The following CNOT1 variants were observed in gnomAD, a reference collection of about 807,000 sequenced individuals.
The protein encoded by CNOT1 is CCR4-NOT transcription complex subunit 1, also known as CCR4-associated factor 1.
Under a neutral mutation model 273.8 loss-of-function variants are expected in CNOT1, and 15 were observed. The ratio of observed to expected loss-of-function variants is 0.05; its 90% CI spans 0.04 to 0.08. CNOT1 has a LOEUF of 0.08. Among genes scored for constraint, CNOT1 ranks in the 10% least tolerant of loss-of-function variants. The pLI, the probability that CNOT1 is intolerant of heterozygous loss-of-function variation, is 1.00. For missense variants in CNOT1, 1,644 were observed against 2,912.2 expected (o/e 0.56, Z 10.02); for synonymous variants, 1,022 against 1,005.5 (o/e 1.02, Z -0.31).
intron 4 of CNOT1, 73 bp from the exon 5 acceptor site, chr16:58,587,486 G>T: frequency 1.3e-6 from 2 of 1,592,094 alleles, no homozygotes; most frequent in Non-Finnish European, 1.7e-6. Context: ...CTATCTGTTT[G>T]CCCAAGGATG....
At chr16:58,570,124 C>A (rs942407910) in intron 16 of CNOT1, among the ~76,000 whole-genome samples, 2 of 152,106 alleles carry the variant, frequency 1.3e-5, no homozygotes, top group Non-Finnish European at 2.9e-5. Flanking sequence ...AACCAGGAAT[C>A]CTTCATCTGG....
intron 2 of CNOT1, among the ~76,000 whole-genome samples, chr16:58,593,868 A>G (rs1030979768): frequency 2.0e-5 from 3 of 152,246 alleles, no homozygotes; most frequent in African/African-American, 7.2e-5. Context: ...ATATAGTAGA[A>G]TATTATTTAG....
rs182071406 is a variant in CNOT1, at chr16:58,594,112, C to T, written c.102+5124G>A. On this transcript the variant is annotated intron_variant, in intron 2 of 48. Coordinates refer to ENST00000317147, the MANE Select transcript of CNOT1 (RefSeq NM_016284.5). ...ATACAAAATTAGCTGGGTGTGGTGG[C>T]GCAGGCCTGTAATCCCAGCTACTCA... 4.2e-3 allele frequency among the ~76,000 whole-genome samples: 633 copies of T among 152,148 alleles called. 5 individuals are homozygous for T. The highest frequency in any genetic ancestry group is 0.014 in the African/African-American group (592 of 41,514).
At chr16:58,618,877 G>T (rs538359087) in intron 1 of CNOT1, among the ~76,000 whole-genome samples, 1 of 152,060 alleles carries the variant, frequency 6.6e-6, no homozygotes, top group African/African-American at 2.4e-5. Flanking sequence ...TTGTGTATGT[G>T]CCTTAAATAT....
chr16:58,532,531 C>A, intron 40 of CNOT1, 136 bp from the exon 41 acceptor site: 1 of 1,405,768 alleles, frequency 7.1e-7, no homozygotes, highest in Non-Finnish European at 9.3e-7. Context: ...TACAAAATTA[C>A]ATGCTGGCAG....
At chr16:58,565,837 C>T (rs544313516) in intron 16 of CNOT1, among the ~76,000 whole-genome samples, 1 of 151,710 alleles carries the variant, frequency 6.6e-6, no homozygotes, top group South Asian at 2.1e-4. Flanking sequence ...CCCAGCTACT[C>T]AGGAGGCTGA....
chr16:58,532,671 C>G, intron 40 of CNOT1: 2 of 395,920 alleles, frequency 5.1e-6, no homozygotes, highest in East Asian at 9.0e-5. Context: ...CTCTAGAAAT[C>G]AGCAAGGCCC....
At chr16:58,614,960 G>A (rs1597604822) in intron 1 of CNOT1, among the ~76,000 whole-genome samples, 1 of 121,912 alleles carries the variant, frequency 8.2e-6, no homozygotes, top group African/African-American at 2.8e-5. Flanking sequence ...TGCCCGCCAC[G>A]GTCTCCTGAC....
intron 16 of CNOT1, among the ~76,000 whole-genome samples, chr16:58,561,140 G>A (rs772662337): frequency 3.3e-5 from 5 of 152,258 alleles, no homozygotes; most frequent in African/African-American, 7.2e-5. Flanking sequence ...AGCTATAATC[G>A]CACCACAGCA....
chr16:58,560,962 T>C (rs2151943575), intron 16 of CNOT1, among the ~76,000 whole-genome samples: 1 of 152,096 alleles, frequency 6.6e-6, no homozygotes, highest in South Asian at 2.1e-4. Flanking sequence ...GAGGCAGAGG[T>C]TGCAGTGAGC....
intron 1 of CNOT1, among the ~76,000 whole-genome samples, chr16:58,601,542 G>A (rs2042463688): frequency 6.6e-6 from 1 of 151,996 alleles, no homozygotes; most frequent in South Asian, 2.1e-4. Flanking sequence ...TAAGATGCAG[G>A]AAACTCAGGA....
intron 16 of CNOT1, among the ~76,000 whole-genome samples, chr16:58,572,807 C>A (rs2041320917): frequency 6.7e-6 from 1 of 149,874 alleles, no homozygotes; most frequent in African/African-American, 2.5e-5. Context: ...ACTTGGGAGG[C>A]TGAAGCAGGA....
At chr16:58,622,807 A>C (rs2043401287) in intron 1 of CNOT1, among the ~76,000 whole-genome samples, 1 of 150,338 alleles carries the variant, frequency 6.7e-6, no homozygotes. Flanking sequence ...AGATCGCACC[A>C]CTGCACTCTA....
chr16:58,612,306 A>C (rs867528765), intron 1 of CNOT1, among the ~76,000 whole-genome samples: 1 of 152,164 alleles, frequency 6.6e-6, no homozygotes, highest in African/African-American at 2.4e-5. Flanking sequence ...AAAATACTAA[A>C]TACTAAATAC....
At chr16:58,524,331 T>G (rs1434328585) in intron 46 of CNOT1, among the ~76,000 whole-genome samples, 1 of 151,944 alleles carries the variant, frequency 6.6e-6, no homozygotes, top group Non-Finnish European at 1.5e-5. Context: ...AGCCCACATT[T>G]TGATTAGTCT....
intron 16 of CNOT1, among the ~76,000 whole-genome samples, chr16:58,570,016 A>G (rs1338976008): frequency 2.0e-5 from 3 of 152,184 alleles, no homozygotes; most frequent in African/African-American, 7.2e-5. Context: ...CATCACATAC[A>G]ATACTCAATA....
intron 16 of CNOT1, among the ~76,000 whole-genome samples, chr16:58,568,696 G>GA (rs1435684376): frequency 1.4e-4 from 21 of 149,810 alleles, no homozygotes; most frequent in Non-Finnish European, 1.5e-4. Flanking sequence ...AAAAAAAAGA[G>GA]AGAAAAAAAA....
Position 58,546,443 on chromosome 16 carries a change from T to C in CNOT1, c.3884A>G (p.Asn1295Ser), listed in dbSNP as rs750752069. Reference protein sequence around the residue: ...VLCKNLALDINELKPGNLLKD... With the variant: ...VLCKNLALDISELKPGNLLKD... The stretch of plus-strand genomic sequence containing the variant: ...TAGGAGGTTTCCAGGTTTTAGCTCA[T>C]TGATGTCTAATGCAAGGTTCTTGCA... Residue 1295 changes from asparagine to serine, a missense_variant, in exon 29 of 49, where the codon AAT (asparagine) becomes AGT (serine). Asn to Ser is a conservative substitution (Grantham distance 46). This residue lies in a region of CNOT1 where 124 missense variants were observed against 289.3 expected (regional missense o/e 0.43). Transcript: ENST00000317147. The C allele has an allele frequency of 9.3e-6, 15 of 1,613,920 alleles. No individual in the cohort carries two copies. Among genetic ancestry groups the C allele is most frequent in the Middle Eastern group, 1.6e-4 (1 of 6,084 alleles).
chr16:58,617,195 A>G (rs1201556795), intron 1 of CNOT1, among the ~76,000 whole-genome samples: 1 of 151,974 alleles, frequency 6.6e-6, no homozygotes, highest in Non-Finnish European at 1.5e-5. Flanking sequence ...ATCTCAACAA[A>G]TAAATACATA....
Sources: gnomAD v4.1 joint callset for allele counts (sites outside exome capture counted in the v4.1 genomes callset) on GRCh38, gnomAD v4.1.1 for gene constraint, gnomAD v4.1.1 regional missense constraint, MANE v1.5 for transcripts, NCBI Gene and HGNC (gene_info 2026-07-23, HGNC 2026-07-21) for gene names.